TRPS1: variants seen among roughly 807,000 people sequenced by gnomAD.
The protein encoded by TRPS1 is transcriptional repressor GATA binding 1.
A neutral mutation model predicts 101.2 loss-of-function variants in TRPS1; 6 were observed. The observed-to-expected ratio is 0.06, with a 90% CI of 0.03 to 0.12. The LOEUF is 0.12. Ranked by LOEUF, TRPS1 falls within the 10% of genes least tolerant of loss-of-function variation. TRPS1 has a pLI of 1.00. For missense variants in TRPS1, 1,363 were observed against 1,567.0 expected (o/e 0.87, Z 2.20); for synonymous variants, 578 against 589.8 (o/e 0.98, Z 0.29).
rs1246351190 is a variant in TRPS1, at chr8:115,414,419, A to G, written c.3489T>C (p.Pro1163=). Residue 1163 remains proline, a synonymous_variant, in exon 7 of 7, where the codon CCT becomes CCC. Transcript: ENST00000395715. This position sits in a 1 kb window ranked among gnomAD's most constrained non-coding sequence, Gnocchi z 4.8. ...NYVPYPTFNL[P]PHFSAVGSDN... ...CTGATCCAACAGCTGAAAAATGAGG[A>G]GGCAGATTGAAGGTGGGATAAGGCA... 6.2e-7 allele frequency: 1 copy of G among 1,613,986 alleles called. No homozygotes were observed. Among genetic ancestry groups the G allele is most frequent in the Admixed American group, 1.7e-5 (1 of 59,940 alleles).
chr8:115,508,453 T>C (rs1029536803), intron 5 of TRPS1, among the ~76,000 whole-genome samples: 8 of 152,080 alleles, frequency 5.3e-5, no homozygotes, highest in African/African-American at 1.9e-4. Context: ...GAATGTGCAC[T>C]TCATGATACA....
rs10955750 is a variant in TRPS1 at position 115,437,239 on chromosome 8, G to C, written c.2701-18787C>G. 2.1e-3 allele frequency among the ~76,000 whole-genome samples: 314 copies of C among 152,308 alleles called. 8 individuals are homozygous for C. The East Asian group carries it at 0.044, about 21-fold the overall frequency. On this transcript the variant is annotated intron_variant, in intron 5 of 6. Coordinates refer to ENST00000395715, the MANE Select transcript of TRPS1 (RefSeq NM_014112.5). The stretch of plus-strand genomic sequence containing the variant: ...ATAATGGTCACTATACTGCTGAAGA[G>C]TCTGTTTAGAAGAACTTGGCAAACC...
intron 2 of TRPS1, 69 bp downstream of exon 2, chr8:115,623,532 C>A (rs1190642482): frequency 6.4e-7 from 1 of 1,552,888 alleles, no homozygotes. Flanking sequence ...TAACAGATTG[C>A]ACGATGTTTT....
At chr8:115,573,689 T>C (rs1483516261) in intron 5 of TRPS1, among the ~76,000 whole-genome samples, 1 of 152,222 alleles carries the variant, frequency 6.6e-6, no homozygotes, top group East Asian at 1.9e-4. Flanking sequence ...AATGGTTCCC[T>C]ATTTCCTTCT....
intron 3 of TRPS1, among the ~76,000 whole-genome samples, chr8:115,607,098 T>G (rs1563640164): frequency 6.6e-6 from 1 of 152,108 alleles, no homozygotes; most frequent in Non-Finnish European, 1.5e-5. Context: ...ATTTCTTTGA[T>G]TTTGCAATCT....
rs1170116395 is a variant in TRPS1 at position 115,619,904 on chromosome 8, G to A, written c.194C>T (p.Ala65Val). The A allele has an allele frequency of 1.2e-6, 2 of 1,614,140 alleles. No individual in the cohort carries two copies. Among genetic ancestry groups the A allele is most frequent in the African/African-American group, 2.7e-5 (2 of 75,038 alleles). Reference protein sequence around the residue: ...MSENTDQSDAAELNHKEEHSL... With the variant: ...MSENTDQSDAVELNHKEEHSL... Reference sequence around the variant, plus strand: ...ATGTTCCTCCTTATGATTTAGTTCTGCAGCATCACTCTGATCCGTATTTTC... The same window carrying A: ...ATGTTCCTCCTTATGATTTAGTTCTACAGCATCACTCTGATCCGTATTTTC... The change falls in exon 3 of 7, where the codon GCA becomes GTA. Residue 65 changes from alanine (A) to valine (V), a missense_variant. Transcript: ENST00000395715.
At chr8:115,545,551 G>A (rs1416453351) in intron 5 of TRPS1, among the ~76,000 whole-genome samples, 3 of 152,070 alleles carry the variant, frequency 2.0e-5, no homozygotes, top group Non-Finnish European at 4.4e-5. Context: ...GCATTCAATG[G>A]TGTCAATTAT....
intron 3 of TRPS1, 27 bp from the exon 4 acceptor site, chr8:115,605,029 C>T (rs1191763611): frequency 6.2e-7 from 1 of 1,608,746 alleles, no homozygotes; most frequent in Admixed American, 1.7e-5. Flanking sequence ...ATGGACTTTA[C>T]TTCCAAGGTG....
At position 115,604,422 on chromosome 8, in the gene TRPS1, C is replaced by G. The variant is rs1300961183; in HGVS notation, c.1547G>C (p.Ser516Thr). ...ETMTKTDKSS[S>T]GAKKKDFSSK... ...GGAGAAGTCCTTCTTTTTAGCCCCA[C>G]TCGAGCTCTTGTCTGTCTTGGTCAT... Residue 516 changes from serine (S) to threonine (T), a missense_variant, in exon 4 of 7, where the codon AGT (serine) becomes ACT (threonine). Around this residue, in one of 5 missense-constraint regions of TRPS1, gnomAD observed 1,020 missense variants for 1,073.0 expected, o/e 0.95. Transcript: ENST00000395715. This position sits in a 1 kb window ranked among gnomAD's most constrained non-coding sequence, Gnocchi z 4.1. 1 of 1,614,102 alleles carries G rather than the reference C, an allele frequency of 6.2e-7. No homozygotes were observed.
rs141112690 is a variant in TRPS1, at chr8:115,627,045, A to G, written c.-121-3287T>C. Among the ~76,000 whole-genome samples the G allele has an allele frequency of 1.6e-3, 244 of 151,832 alleles. 1 individual carries two copies. The highest frequency in any genetic ancestry group is 5.5e-3 in the African/African-American group (230 of 41,514). On this transcript the variant is annotated intron_variant, in intron 1 of 6. Transcript: ENST00000395715. The stretch of plus-strand genomic sequence containing the variant: ...GAAAATTACAAAACTTTCTTTTTTC[A>G]AAGACTTTAGGCTATAGTCACAATG...
At chr8:115,652,937 T>C (rs112024333) in intron 1 of TRPS1, among the ~76,000 whole-genome samples, 2,486 of 152,284 alleles carry the variant, frequency 0.016, 79 homozygotes, top group African/African-American at 0.055. Context: ...TACTGATTTA[T>C]CAGGAGGGCA....
chr8:115,633,355 C>A (rs1461968600), intron 1 of TRPS1, among the ~76,000 whole-genome samples: 1 of 152,008 alleles, frequency 6.6e-6, no homozygotes, highest in African/African-American at 2.4e-5. Context: ...AGGATAAGAA[C>A]TCTGTATGTG....
intron 5 of TRPS1, among the ~76,000 whole-genome samples, chr8:115,424,134 C>T (rs931915412): frequency 6.6e-6 from 1 of 152,032 alleles, no homozygotes; most frequent in Non-Finnish European, 1.5e-5. Flanking sequence ...CATAACAAGC[C>T]CTGATAGGCA....
intron 5 of TRPS1, among the ~76,000 whole-genome samples, chr8:115,569,607 A>G (rs1390166377): frequency 6.6e-6 from 1 of 152,042 alleles, no homozygotes; most frequent in African/African-American, 2.4e-5. Context: ...ATAATAATCT[A>G]CTAGTATCTT....
At chr8:115,648,079 C>G (rs1811460745) in intron 1 of TRPS1, among the ~76,000 whole-genome samples, 1 of 151,952 alleles carries the variant, frequency 6.6e-6, no homozygotes, top group Non-Finnish European at 1.5e-5. Flanking sequence ...AAGAGGAAAT[C>G]AGAGCGTCAA....
chr8:115,612,434 C>T (rs374713757), intron 3 of TRPS1, among the ~76,000 whole-genome samples: 8 of 152,064 alleles, frequency 5.3e-5, no homozygotes, highest in Non-Finnish European at 7.4e-5. Context: ...GTGTTTGGGG[C>T]GTGATATCAA....
chr8:115,619,633 G>A lies in TRPS1; in HGVS notation c.465C>T (p.Thr155=), dbSNP rs779737846. The part of the protein sequence containing the change: ...EADDPQDMAC[T]PSGDSLETKE... Reference sequence around the variant, plus strand: ...TTGTCTCCAGTGAGTCCCCTGAGGGGGTGCAGGCCATATCTTGAGGGTCAT... The same window carrying A: ...TTGTCTCCAGTGAGTCCCCTGAGGGAGTGCAGGCCATATCTTGAGGGTCAT... Residue 155 remains threonine, a synonymous_variant, in exon 3 of 7, where the codon ACC becomes ACT. Transcript: ENST00000395715. 2 of 1,614,140 alleles carry A rather than the reference G, an allele frequency of 1.2e-6. No homozygotes were observed. Among genetic ancestry groups the A allele is most frequent in the Non-Finnish European group, 1.7e-6 (2 of 1,180,018 alleles).
intron 5 of TRPS1, among the ~76,000 whole-genome samples, chr8:115,439,015 C>T (rs1813524007): frequency 1.3e-5 from 2 of 152,174 alleles, no homozygotes; most frequent in African/African-American, 4.8e-5. Context: ...CTCACCTGTT[C>T]TATCCCTGGG....
chr8:115,525,303 A>C (rs2178947), intron 5 of TRPS1, among the ~76,000 whole-genome samples: 103,326 of 151,840 alleles, frequency 0.68, 36,713 homozygotes, highest in African/African-American at 0.88. Flanking sequence ...AATTTGAATG[A>C]AATTTTAAGG....
Sources: allele counts gnomAD v4.1 joint callset (sites outside exome capture counted in the v4.1 genomes callset), GRCh38; gene constraint gnomAD v4.1.1; regional missense constraint gnomAD v4.1.1; non-coding constraint Gnocchi (gnomAD v3.1); transcripts MANE v1.5; gene names NCBI Gene and HGNC (gene_info 2026-07-23, HGNC 2026-07-21).